The following MYO5B variants were observed in gnomAD, a reference collection of about 807,000 sequenced individuals.
MYO5B encodes myosin VB.
A neutral mutation model predicts 229.3 loss-of-function variants in MYO5B; 143 were observed. The ratio of observed to expected loss-of-function variants is 0.62; its 90% CI spans 0.54 to 0.72. MYO5B has a LOEUF of 0.72. Ranked by LOEUF, MYO5B falls within the 30% of genes least tolerant of loss-of-function variation. The probability of loss-of-function intolerance (pLI) is 0.00; values close to 1 mark genes in which losing one functional copy is unlikely to be tolerated. For synonymous variants in MYO5B, 918 were observed against 885.2 expected (o/e 1.04, Z -0.66); for missense variants, 2,321 against 2,331.0 (o/e 1.00, Z 0.09).
chr18:49,980,456 G>A lies in MYO5B; in HGVS notation c.1044C>T (p.Ser348=), dbSNP rs2144293333. 1 of 1,610,350 alleles carries A rather than the reference G, an allele frequency of 6.2e-7. No homozygotes were observed. Among genetic ancestry groups the A allele is most frequent in the Non-Finnish European group, 8.5e-7 (1 of 1,176,682 alleles). The change falls in exon 9 of 40, where the codon TCC becomes TCT. Residue 348 remains serine, a synonymous_variant. Coordinates refer to ENST00000285039, the MANE Select transcript of MYO5B (RefSeq NM_001080467.3). ...GTGTGCAACTTACTGATATACTACA[G>A]GAATCACCATCACGCTCAGCCTGAA... is the stretch of plus-strand genomic sequence containing the variant. ...VAIQAERDGD[S]CSISPQDVYL...
chr18:50,048,098 A>T (rs1208661469), intron 2 of MYO5B, among the ~76,000 whole-genome samples: 3 of 148,048 alleles, frequency 2.0e-5, no homozygotes, highest in African/African-American at 7.7e-5. Context: ...TAATAATAAT[A>T]ATAATAAAGT....
At chr18:50,174,196 A>G (rs547245215) in intron 1 of MYO5B, among the ~76,000 whole-genome samples, 2 of 152,330 alleles carry the variant, frequency 1.3e-5, no homozygotes, top group East Asian at 3.9e-4. Context: ...AGTGTTCTGC[A>G]GACAAACAGA....
intron 12 of MYO5B, among the ~76,000 whole-genome samples, chr18:49,958,338 G>A (rs543460066): frequency 8.4e-4 from 128 of 152,228 alleles, no homozygotes; most frequent in Non-Finnish European, 1.3e-3. Flanking sequence ...AACAATCTGC[G>A]CACTCTGCAA....
At chr18:49,876,400 G>A (rs9948111) in intron 25 of MYO5B, 52,697 of 227,508 alleles carry the variant, frequency 0.23, 6,609 homozygotes, top group East Asian at 0.42. Context: ...GGACTCCAAT[G>A]CGTGGGGATA....
chr18:49,959,753 T>C (rs1027462602), intron 12 of MYO5B, among the ~76,000 whole-genome samples: 1 of 152,088 alleles, frequency 6.6e-6, no homozygotes, highest in African/African-American at 2.4e-5. Flanking sequence ...GACTGATGAA[T>C]GGGAAGAGGA....
rs1481077007 is a variant in MYO5B, at chr18:49,886,675, T to A, written c.3046-6220A>T. On this transcript the variant is annotated intron_variant, in intron 22 of 39. Coordinates refer to ENST00000285039, the MANE Select transcript of MYO5B (RefSeq NM_001080467.3). ...TATTGCCTATAATATTTATTGCCTA[T>A]AATAATTAATGCAACAGATGTTGTA... 2.0e-5 allele frequency among the ~76,000 whole-genome samples: 3 copies of A among 152,330 alleles called. No homozygotes were observed. In the East Asian group the frequency reaches 5.8e-4, roughly 29 times the overall value.
At chr18:49,912,578 G>A (rs1021442843) in intron 17 of MYO5B, among the ~76,000 whole-genome samples, 1 of 152,286 alleles carries the variant, frequency 6.6e-6, no homozygotes, top group Non-Finnish European at 1.5e-5. Context: ...CTGTTCTGGT[G>A]GTAGTGAATA....
intron 26 of MYO5B, 69 bp from the exon 27 acceptor site, chr18:49,872,301 T>C: frequency 6.5e-7 from 1 of 1,542,176 alleles, no homozygotes; most frequent in Non-Finnish European, 9.0e-7. Flanking sequence ...TGTTTCCAAC[T>C]GTGGTCAAAC....
At chr18:49,863,070 G>A (rs2024350246) in intron 29 of MYO5B, among the ~76,000 whole-genome samples, 157 bp downstream of exon 29, 1 of 152,180 alleles carries the variant, frequency 6.6e-6, no homozygotes, top group African/African-American at 2.4e-5. Context: ...GCTAACAGTA[G>A]GGCAGGGGTT....
chr18:50,096,355 C>T (rs1166332832), intron 1 of MYO5B, among the ~76,000 whole-genome samples: 2 of 152,168 alleles, frequency 1.3e-5, no homozygotes, highest in African/African-American at 4.8e-5. Flanking sequence ...CTTTCCCCCT[C>T]TGAAGCATTC....
At chr18:49,878,005 G>T in intron 24 of MYO5B, 123 bp from the exon 25 acceptor site, 1 of 1,187,994 alleles carries the variant, frequency 8.4e-7, no homozygotes, top group South Asian at 1.2e-5. Flanking sequence ...AGGTATCATT[G>T]CTTCTTGGAA....
chr18:50,082,659 T>G (rs144402823), intron 1 of MYO5B, among the ~76,000 whole-genome samples: 1 of 152,284 alleles, frequency 6.6e-6, no homozygotes, highest in Non-Finnish European at 1.5e-5. Context: ...TTCATGGATA[T>G]CCCTTCCAAC....
intron 25 of MYO5B, 90 bp from the exon 26 acceptor site, chr18:49,875,917 C>T: frequency 7.1e-7 from 1 of 1,417,528 alleles, no homozygotes; most frequent in African/African-American, 1.4e-5. Context: ...TCTATATCAG[C>T]CATCTGTCTC....
intron 31 of MYO5B, chr18:49,850,383 T>G (rs943545066): frequency 2.0e-5 from 3 of 153,010 alleles, no homozygotes; most frequent in Non-Finnish European, 4.4e-5. Flanking sequence ...TACAAACACA[T>G]TGGGTGACAA....
chr18:50,049,793 C>A lies in MYO5B; in HGVS notation c.138+5475G>T, dbSNP rs62098920. Among the ~76,000 whole-genome samples, 540 of 152,226 alleles carry A rather than the reference C, an allele frequency of 3.5e-3. 4 individuals carry two copies. The highest frequency in any genetic ancestry group is 6.0e-3 in the Non-Finnish European group (408 of 68,020). On this transcript the variant is annotated intron_variant, in intron 2 of 39. Coordinates refer to ENST00000285039, the MANE Select transcript of MYO5B (RefSeq NM_001080467.3). The stretch of plus-strand genomic sequence containing the variant: ...TCATCTCTAATCTGAAGCAGCTGGG[C>A]AAAGCATCCTAATCTATGGGAAAAA...
chr18:49,892,784 G>A (rs1434015470), intron 22 of MYO5B, among the ~76,000 whole-genome samples: 1 of 152,162 alleles, frequency 6.6e-6, no homozygotes, highest in Admixed American at 6.5e-5. Context: ...TCTTTTCCAG[G>A]AAAGAGGTGG....
Position 49,954,179 on chromosome 18 carries a change from T to C in MYO5B, c.1668+134A>G. The C allele has an allele frequency of 3.7e-6, 5 of 1,352,626 alleles. No homozygotes were observed. In the South Asian group the frequency reaches 5.9e-5, roughly 16 times the overall value. 83.8% of individuals were successfully genotyped at this position (1,352,626 alleles called of 1,614,324 possible). Reference sequence around the variant, plus strand: ...AAGTAGAGGGGTGGGTAAAAGAGGATGGAAGGGGAACCTAGCTGAGGCTTC... The same window carrying C: ...AAGTAGAGGGGTGGGTAAAAGAGGACGGAAGGGGAACCTAGCTGAGGCTTC... On this transcript the variant is annotated intron_variant, in intron 13 of 39. Coordinates refer to ENST00000285039, the MANE Select transcript of MYO5B (RefSeq NM_001080467.3).
At chr18:50,023,175 G>T (rs75476115) in intron 4 of MYO5B, among the ~76,000 whole-genome samples, 2,383 of 150,072 alleles carry the variant, frequency 0.016, 38 homozygotes, top group Admixed American at 0.033. Context: ...TTACTACCAT[G>T]ACAGTAAAGA....
chr18:50,150,722 T>C (rs2144302879), intron 1 of MYO5B, among the ~76,000 whole-genome samples: 2 of 152,232 alleles, frequency 1.3e-5, no homozygotes, highest in South Asian at 4.2e-4. Context: ...TTGGGAGATA[T>C]ACCTAATGCT....
Sources: allele counts gnomAD v4.1 joint callset (sites outside exome capture counted in the v4.1 genomes callset), GRCh38; gene constraint gnomAD v4.1.1; transcripts MANE v1.5; gene names NCBI Gene and HGNC (gene_info 2026-07-23, HGNC 2026-07-21).